The following MYL3 variants were observed in gnomAD, a reference collection of about 807,000 sequenced individuals.
The protein encoded by MYL3 is CMLC1.
Under a neutral mutation model 21.3 loss-of-function variants are expected in MYL3, and 11 were observed. That is an observed-to-expected ratio of 0.52 (90% confidence interval 0.32 to 0.85). MYL3 has a LOEUF of 0.85. Ranked by LOEUF, MYL3 falls within the 40% of genes least tolerant of loss-of-function variation. The probability of loss-of-function intolerance (pLI) is 0.03; values close to 1 mark genes in which losing one functional copy is unlikely to be tolerated. For synonymous variants in MYL3, 88 were observed against 91.6 expected, an observed-to-expected ratio of 0.96 and a Z score of 0.22; for missense variants, 206 against 253.3, an observed-to-expected ratio of 0.81 and a Z score of 1.27.
chr3:46,869,537 A>T (rs115453153), intron 1 of MYL3, among the ~76,000 whole-genome samples: 2 of 152,254 alleles, frequency 1.3e-5, no homozygotes, highest in Admixed American at 1.3e-4. Flanking sequence ...CGAGGTGTGA[A>T]CATGTGTGAC....
intron 1 of MYL3, among the ~76,000 whole-genome samples, chr3:46,870,953 A>G (rs1330713668): frequency 1.3e-5 from 2 of 152,174 alleles, no homozygotes; most frequent in Non-Finnish European, 2.9e-5. Flanking sequence ...CACCTTTACC[A>G]TATATCCTCA....
chr3:46,873,504 C>T (rs2030022246), intron 1 of MYL3, among the ~76,000 whole-genome samples: 1 of 152,218 alleles, frequency 6.6e-6, no homozygotes, highest in South Asian at 2.1e-4. Flanking sequence ...CCCCTCCACC[C>T]CCAAGGAGCC....
Position 46,879,808 on chromosome 3 carries a change from G to A in MYL3, c.-218+2266C>T, listed in dbSNP as rs932711816. Among the ~76,000 whole-genome samples, 15 of 152,188 alleles carry A rather than the reference G, an allele frequency of 9.9e-5. No homozygotes were observed. Among genetic ancestry groups the A allele is most frequent in the African/African-American group, 3.4e-4 (14 of 41,498 alleles). On this transcript the variant is annotated intron_variant, in intron 1 of 3. Coordinates refer to the MYL3 transcript ENST00000431168. The surrounding 1 kb of genome is among the most constrained non-coding windows in gnomAD (Gnocchi z 4.7). ...TGTAATCTCAACACTTTGGGAGGCCGAGACAGGATCACTTGAGGCCAGGAG... is the reference window on the plus strand; with the variant it reads ...TGTAATCTCAACACTTTGGGAGGCCAAGACAGGATCACTTGAGGCCAGGAG...
chr3:46,858,951 A>G (rs1051613726), intron 4 of MYL3, among the ~76,000 whole-genome samples: 20 of 152,078 alleles, frequency 1.3e-4, no homozygotes, highest in Non-Finnish European at 4.4e-5. Context: ...ACATGCACAC[A>G]CAGAGAGAGA....
upstream of MYL3, among the ~76,000 whole-genome samples, chr3:46,864,141 C>G (rs1702024607): frequency 1.3e-5 from 2 of 151,844 alleles, no homozygotes; most frequent in African/African-American, 4.8e-5. The surrounding 1 kb of genome is among the most constrained non-coding windows in gnomAD (Gnocchi z 4.7). Context: ...GCATTTGTCT[C>G]TGTGGGTCTG....
chr3:46,879,700 C>T lies in MYL3; in HGVS notation c.-218+2374G>A, dbSNP rs1322517038. Among the ~76,000 whole-genome samples the T allele has an allele frequency of 2.6e-5, 4 of 152,104 alleles. No homozygotes were observed. Among genetic ancestry groups the T allele is most frequent in the East Asian group, 1.9e-4 (1 of 5,182 alleles). On this transcript the variant is annotated intron_variant, in intron 1 of 3. Coordinates refer to the MYL3 transcript ENST00000431168. The surrounding 1 kb of genome is among the most constrained non-coding windows in gnomAD (Gnocchi z 4.7). Reference sequence around the variant, plus strand: ...AGGTCAAGGCTGCTGTGAGCCATGACCGTGCCACTGCACTCCAGCCTGGGT... The same window carrying T: ...AGGTCAAGGCTGCTGTGAGCCATGATCGTGCCACTGCACTCCAGCCTGGGT...
At position 46,861,009 on chromosome 3, in the gene MYL3, TCA is replaced by T; in HGVS notation, c.130-24_130-23del. ...CAATCTGAAAAGAGACCCCAAAGAC[TCA>T]GATGCCCGGCTTAAAAGGTGGGGCC... On this transcript the variant is annotated intron_variant, in intron 1 of 6. Transcript: ENST00000292327. This position sits in a 1 kb window ranked among gnomAD's most constrained non-coding sequence, Gnocchi z 4.2. The T allele has an allele frequency of 6.2e-7, 1 of 1,613,682 alleles. No homozygotes were observed. Among genetic ancestry groups the T allele is most frequent in the Non-Finnish European group, 8.5e-7 (1 of 1,179,950 alleles).
At chr3:46,878,599 A>T (rs1045681981) in intron 1 of MYL3, among the ~76,000 whole-genome samples, 10 of 152,178 alleles carry the variant, frequency 6.6e-5, no homozygotes, top group African/African-American at 1.7e-4. Context: ...GTCCCAGAGA[A>T]CCCCTGGTCT....
At chr3:46,867,364 G>A (rs1702056492), upstream of MYL3, among the ~76,000 whole-genome samples, 1 of 152,228 alleles carries the variant, frequency 6.6e-6, no homozygotes, top group Non-Finnish European at 1.5e-5. Context: ...GTGGCCCTGT[G>A]TGGACAAGGC....
rs902294227 is a variant in MYL3, at chr3:46,861,959, A to G, written c.130-972T>C. 3.3e-5 allele frequency among the ~76,000 whole-genome samples: 5 copies of G among 152,116 alleles called. No homozygotes were observed. The highest frequency in any genetic ancestry group is 1.2e-4 in the African/African-American group (5 of 41,428). On this transcript the variant is annotated intron_variant, in intron 1 of 6. Coordinates refer to ENST00000292327, the MANE Select transcript of MYL3 (RefSeq NM_000258.3). The surrounding 1 kb of genome is among the most constrained non-coding windows in gnomAD (Gnocchi z 4.2). ...TCCCTCCTGGCTTCTGGCTTGACCC[A>G]GTGTTGGGAAGAACAGGTTGTCATT...
chr3:46,859,476 C>T lies in MYL3; in HGVS notation c.480G>A (p.Leu160=). 2 of 1,614,164 alleles carry T rather than the reference C, an allele frequency of 1.2e-6. No individual in the cohort carries two copies. The highest frequency in any genetic ancestry group is 1.1e-5 in the South Asian group (1 of 91,082). ...GGTAGGGGAGGAGGCTGCCCTCACC[C>T]AGCGTGGCCAGCACGTGGCGAAGCT... ...GAELRHVLAT[L]GERLTEDEVE... The change falls in exon 4 of 7, where the codon CTG becomes CTA. Residue 160 remains leucine (L), a splice_region_variant and synonymous_variant. Coordinates refer to ENST00000292327, the MANE Select transcript of MYL3 (RefSeq NM_000258.3). This position sits in a 1 kb window ranked among gnomAD's most constrained non-coding sequence, Gnocchi z 4.1.
chr3:46,881,445 TGGGAACGGGGGA>T (rs1003635782), intron 1 of MYL3, among the ~76,000 whole-genome samples: 3 of 149,156 alleles, frequency 2.0e-5, no homozygotes, highest in African/African-American at 5.0e-5. Flanking sequence ...GGAGTGGGGG[TGGGAACGGGGGA>T]GGGAGGTGAA....
In MYL3 at chr3:46,861,550, A is replaced by T. The variant is rs1051876589; in HGVS notation, c.130-563T>A. On this transcript the variant is annotated intron_variant, in intron 1 of 6. Transcript: ENST00000292327. This position sits in a 1 kb window ranked among gnomAD's most constrained non-coding sequence, Gnocchi z 4.2. ...CCTCACAGAGCCCCCTAAGCCCTAA[A>T]GACCAGGCAGTCACTCACCAGCCCC... Among the ~76,000 whole-genome samples the T allele has an allele frequency of 6.6e-6, 1 of 152,134 alleles. No homozygotes were observed. Among genetic ancestry groups the T allele is most frequent in the African/African-American group, 2.4e-5 (1 of 41,418 alleles).
At chr3:46,878,146 C>G (rs2030342022) in intron 1 of MYL3, among the ~76,000 whole-genome samples, 1 of 152,216 alleles carries the variant, frequency 6.6e-6, no homozygotes, top group Non-Finnish European at 1.5e-5. Flanking sequence ...TCCTGAGAGG[C>G]AAGAAAGCCA....
At position 46,858,376 on chromosome 3, in the gene MYL3, G is replaced by GATGC; in HGVS notation, c.559+7_559+8insGCAT. 6.2e-7 allele frequency: 1 copy of GATGC among 1,614,136 alleles called. No individual in the cohort carries two copies. The highest frequency in any genetic ancestry group is 8.5e-7 in the Non-Finnish European group (1 of 1,180,030). ...CTCCCAGAAGACCCCTGCCCCTGCTGAGCCCACCTTCATAGTTGATGCAGC... is the reference window on the plus strand; with the variant it reads ...CTCCCAGAAGACCCCTGCCCCTGCTGATGCAGCCCACCTTCATAGTTGATGCAGC... On this transcript the variant is annotated splice_region_variant and intron_variant, in intron 5 of 6. Coordinates refer to ENST00000292327, the MANE Select transcript of MYL3 (RefSeq NM_000258.3).
In MYL3 at chr3:46,878,342, A is replaced by G. The variant is rs2030355766; in HGVS notation, c.-218+3732T>C. Among the ~76,000 whole-genome samples, 4 of 152,146 alleles carry G rather than the reference A, an allele frequency of 2.6e-5. No homozygotes were observed. In the South Asian group the frequency reaches 8.3e-4, roughly 32 times the overall value. On this transcript the variant is annotated intron_variant, in intron 1 of 3. Coordinates refer to the MYL3 transcript ENST00000431168. ...TGGGCTCTTGCCTCAAAAAGTTTCC[A>G]GAGGGGCCTAGAAGCCGAGAGAGGT...
In MYL3 at chr3:46,881,268, G is replaced by A. The variant is rs990664729; in HGVS notation, c.-218+806C>T. ...GTTTCCCCACTTGGTACCGGGAGGT[G>A]GTAGGTTTGGGGTCGAAGGGCCCCT... is the stretch of plus-strand genomic sequence containing the variant. On this transcript the variant is annotated intron_variant, in intron 1 of 3. Transcript: ENST00000431168. 3 of 152,316 alleles carry A rather than the reference G, an allele frequency of 2.0e-5. No individual in the cohort carries two copies. The East Asian group carries it at 5.8e-4, about 29-fold the overall frequency. 9.4% of individuals were successfully genotyped at this position (152,316 alleles called of 1,614,324 possible).
Position 46,859,725 on chromosome 3 carries a change from A to C in MYL3, c.308-77T>G. 1 of 1,498,332 alleles carries C rather than the reference A, an allele frequency of 6.7e-7. No homozygotes were observed. The highest frequency in any genetic ancestry group is 1.1e-5 in the South Asian group (1 of 88,196). 92.8% of individuals were successfully genotyped at this position (1,498,332 alleles called of 1,614,324 possible). A position where few individuals can be genotyped will look rare whatever the true frequency, so the allele number is the denominator to read the frequency against. On this transcript the variant is annotated intron_variant, in intron 3 of 6. Coordinates refer to ENST00000292327, the MANE Select transcript of MYL3 (RefSeq NM_000258.3). The surrounding 1 kb of genome is among the most constrained non-coding windows in gnomAD (Gnocchi z 4.1). Reference sequence around the variant, plus strand: ...CCCTCCCCCATGCCTGATAATGAGGAGCTATCCCCACCTCTCACACAGTTC... The same window carrying C: ...CCCTCCCCCATGCCTGATAATGAGGCGCTATCCCCACCTCTCACACAGTTC...
intron 1 of MYL3, chr3:46,877,652 G>A (rs1013930794): frequency 6.6e-6 from 1 of 152,086 alleles, no homozygotes; most frequent in Non-Finnish European, 1.5e-5. Context: ...CCAGTGTAGG[G>A]CTTGGTAAAA....
Sources: allele counts gnomAD v4.1 joint callset (sites outside exome capture counted in the v4.1 genomes callset), GRCh38; gene constraint gnomAD v4.1.1; non-coding constraint Gnocchi (gnomAD v3.1); transcripts MANE v1.5; gene names NCBI Gene and HGNC (gene_info 2026-07-23, HGNC 2026-07-21).